Variants in HIVEP3 observed in about 807,000 individuals in gnomAD.
HIVEP3 encodes transcription factor HIVEP3.
HIVEP3 carries 49 observed loss-of-function variants against 152.8 expected under a neutral mutation model. The ratio of observed to expected loss-of-function variants is 0.32; its 90% CI spans 0.26 to 0.41. The LOEUF (loss-of-function observed/expected upper bound fraction) is 0.41. HIVEP3 is among the 10% of genes least tolerant of loss of function. HIVEP3 has a pLI of 1.00. For missense variants in HIVEP3, 2,790 were observed against 3,103.3 expected, an observed-to-expected ratio of 0.90 and a Z score of 2.40; for synonymous variants, 1,269 against 1,289.0, an observed-to-expected ratio of 0.98 and a Z score of 0.33.
At chr1:41,733,476 C>T (rs1646872238) in intron 1 of HIVEP3, among the ~76,000 whole-genome samples, 1 of 152,238 alleles carries the variant, frequency 6.6e-6, no homozygotes, top group Non-Finnish European at 1.5e-5. Context: ...CCAGCCTCTC[C>T]CTATATCCAA....
chr1:41,809,516 GATAT>G (rs1650826519), intron 1 of HIVEP3, among the ~76,000 whole-genome samples: 1 of 152,178 alleles, frequency 6.6e-6, no homozygotes, highest in Non-Finnish European at 1.5e-5. Flanking sequence ...CTCTGTCTTA[GATAT>G]ATGGTGACCA....
At chr1:41,531,421 GGACAGGGGAGATGGAA>G (rs1190382108) in intron 5 of HIVEP3, among the ~76,000 whole-genome samples, 12 of 120,008 alleles carry the variant, frequency 1.0e-4, no homozygotes, top group African/African-American at 3.4e-4. Flanking sequence ...GAGAGATGGA[GGACAGGGGAGATGGAA>G]GACAGGGGAG....
chr1:41,648,850 C>T (rs1027855667), intron 2 of HIVEP3, among the ~76,000 whole-genome samples: 2 of 152,218 alleles, frequency 1.3e-5, no homozygotes, highest in African/African-American at 2.4e-5. Context: ...GAGAGGACAT[C>T]GTATGCTCCA....
chr1:41,729,634 G>A (rs895603791), intron 1 of HIVEP3, among the ~76,000 whole-genome samples: 1 of 152,206 alleles, frequency 6.6e-6, no homozygotes, highest in Non-Finnish European at 1.5e-5. Context: ...AGAAAGTGAA[G>A]AGAAGAGAGG....
intron 2 of HIVEP3, among the ~76,000 whole-genome samples, chr1:41,670,363 C>T (rs1558165497): frequency 6.6e-6 from 1 of 152,174 alleles, no homozygotes; most frequent in Non-Finnish European, 1.5e-5. Flanking sequence ...TTCTCTGGAG[C>T]AGCCATGGCC....
chr1:41,760,508 C>A (rs1033870247), intron 1 of HIVEP3, among the ~76,000 whole-genome samples: 2 of 152,218 alleles, frequency 1.3e-5, no homozygotes, highest in Non-Finnish European at 2.9e-5. Flanking sequence ...GCTTACTTTG[C>A]TGAGTTTGAC....
At chr1:41,859,293 T>C (rs377391332) in intron 1 of HIVEP3, among the ~76,000 whole-genome samples, 57 of 152,266 alleles carry the variant, frequency 3.7e-4, no homozygotes, top group South Asian at 6.2e-4. Flanking sequence ...CAATGAAAAT[T>C]TGGTAAATGA....
chr1:41,650,879 T>C (rs1645538626), intron 2 of HIVEP3, among the ~76,000 whole-genome samples: 1 of 152,262 alleles, frequency 6.6e-6, no homozygotes, highest in Non-Finnish European at 1.5e-5. Context: ...CCACAAAGTA[T>C]TCTCTGGCAC....
At chr1:41,572,610 G>A (rs1224728335) in intron 5 of HIVEP3, among the ~76,000 whole-genome samples, 1 of 152,184 alleles carries the variant, frequency 6.6e-6, no homozygotes, top group Non-Finnish European at 1.5e-5. Flanking sequence ...ACCCCCATGG[G>A]ACACTGCATT....
intron 5 of HIVEP3, among the ~76,000 whole-genome samples, chr1:41,529,914 A>C: frequency 2.3e-5 from 2 of 85,184 alleles, no homozygotes; most frequent in African/African-American, 5.0e-5. Flanking sequence ...CCCACACACC[A>C]ACACCCCCCA....
intron 1 of HIVEP3, among the ~76,000 whole-genome samples, chr1:42,033,821 T>G (rs1645626615): frequency 6.6e-6 from 1 of 152,236 alleles, no homozygotes; most frequent in South Asian, 2.1e-4. Context: ...AGGGGCAGGA[T>G]AGTCCAGTGG....
At chr1:41,597,929 G>C (rs1368183370) in intron 3 of HIVEP3, among the ~76,000 whole-genome samples, 2 of 152,114 alleles carry the variant, frequency 1.3e-5, no homozygotes, top group Non-Finnish European at 2.9e-5. Flanking sequence ...CACCTACTAA[G>C]TTATCTAATG....
At chr1:41,893,908 T>TA (rs1644489129) in intron 1 of HIVEP3, among the ~76,000 whole-genome samples, 3 of 140,910 alleles carry the variant, frequency 2.1e-5, no homozygotes, top group Admixed American at 7.0e-5. Flanking sequence ...AATATTTATT[T>TA]TTTATATATA....
chr1:41,828,387 A>G (rs1190157575), intron 1 of HIVEP3, among the ~76,000 whole-genome samples: 1 of 152,222 alleles, frequency 6.6e-6, no homozygotes, highest in African/African-American at 2.4e-5. Flanking sequence ...TAGAACTCCT[A>G]ACTCACTTTT....
At chr1:41,639,540 G>A (rs1168454594) in intron 2 of HIVEP3, among the ~76,000 whole-genome samples, 1 of 152,194 alleles carries the variant, frequency 6.6e-6, no homozygotes, top group Non-Finnish European at 1.5e-5. Flanking sequence ...ATAAATGCCT[G>A]TGCCCTTCTT....
chr1:41,931,283 T>C (rs1347206843), intron 1 of HIVEP3, among the ~76,000 whole-genome samples: 1 of 152,100 alleles, frequency 6.6e-6, no homozygotes, highest in East Asian at 1.9e-4. Context: ...TCAGTTGTTT[T>C]TTAAGGTGTG....
rs532842125 is a variant in HIVEP3 at position 41,661,767 on chromosome 1, G to A, written c.-720-32820C>T. Among the ~76,000 whole-genome samples, 148 of 152,362 alleles carry A rather than the reference G, an allele frequency of 9.7e-4. 1 individual carries two copies. Among genetic ancestry groups the A allele is most frequent in the African/African-American group, 3.3e-3 (137 of 41,592 alleles). ...GGTGCGAGGGGTGAGCGCCGCGCCG[G>A]GGTGAGAGTCTGCGCTGGACACAGG... On this transcript the variant is annotated intron_variant, in intron 2 of 8. Coordinates refer to ENST00000372583, the MANE Select transcript of HIVEP3 (RefSeq NM_024503.5).
intron 2 of HIVEP3, among the ~76,000 whole-genome samples, chr1:41,691,860 C>T (rs1221404609): frequency 6.7e-6 from 1 of 149,758 alleles, no homozygotes; most frequent in Non-Finnish European, 1.5e-5. Context: ...TTCATAGTCA[C>T]TTGTGGGTGT....
intron 1 of HIVEP3, among the ~76,000 whole-genome samples, chr1:41,707,068 G>A (rs1646444573): frequency 6.6e-6 from 1 of 152,216 alleles, no homozygotes; most frequent in South Asian, 2.1e-4. Flanking sequence ...CAGCATGTAA[G>A]ACAGATAAAG....
Sources: allele counts gnomAD v4.1 joint callset (sites outside exome capture counted in the v4.1 genomes callset), GRCh38; gene constraint gnomAD v4.1.1; transcripts MANE v1.5; gene names NCBI Gene and HGNC (gene_info 2026-07-23, HGNC 2026-07-21).